NAA15: variants seen among roughly 807,000 people sequenced by gnomAD.
NAA15 encodes N-terminal acetyltransferase.
Under a neutral mutation model 114.0 loss-of-function variants are expected in NAA15, and 34 were observed. The observed-to-expected ratio is 0.30, with a 90% CI of 0.23 to 0.40. The LOEUF (loss-of-function observed/expected upper bound fraction) is 0.40, where lower values mean the gene tolerates loss of function less well. Ranked by LOEUF, NAA15 falls within the 10% of genes least tolerant of loss-of-function variation. NAA15 has a pLI of 1.00. For missense variants in NAA15, 658 were observed against 1,004.5 expected, an observed-to-expected ratio of 0.66 and a Z score of 4.66; for synonymous variants, 340 against 338.0, an observed-to-expected ratio of 1.01 and a Z score of -0.06.
At chr4:139,355,800 C>G (rs1747930687) in intron 10 of NAA15, among the ~76,000 whole-genome samples, 1 of 152,120 alleles carries the variant, frequency 6.6e-6, no homozygotes, top group African/African-American at 2.4e-5. Context: ...GAGATTCTTA[C>G]AGGTGGTGGC....
chr4:139,317,495 C>G (rs962162578), intron 1 of NAA15, among the ~76,000 whole-genome samples: 1 of 152,166 alleles, frequency 6.6e-6, no homozygotes, highest in Non-Finnish European at 1.5e-5. Context: ...GTGGCACATG[C>G]CTGCAATCCC....
chr4:139,336,676 T>G (rs1199771796), intron 2 of NAA15, among the ~76,000 whole-genome samples, 172 bp from the exon 3 acceptor site: 1 of 152,180 alleles, frequency 6.6e-6, no homozygotes, highest in Non-Finnish European at 1.5e-5. Context: ...ATTGCCAATT[T>G]TAAAAATGTT....
At chr4:139,354,345 C>T (rs934199725) in intron 10 of NAA15, among the ~76,000 whole-genome samples, 2 of 152,164 alleles carry the variant, frequency 1.3e-5, no homozygotes, top group Non-Finnish European at 2.9e-5. Flanking sequence ...GTTCCCCAGG[C>T]TGGAGTGCAG....
At chr4:139,320,368 G>C (rs567436858) in intron 1 of NAA15, among the ~76,000 whole-genome samples, 7 of 152,210 alleles carry the variant, frequency 4.6e-5, no homozygotes, top group Non-Finnish European at 7.4e-5. Flanking sequence ...TGTTAGTTCG[G>C]TTTTCAAAGT....
At chr4:139,381,806 T>G (rs1269032446) in intron 17 of NAA15, among the ~76,000 whole-genome samples, 3 of 152,166 alleles carry the variant, frequency 2.0e-5, no homozygotes, top group Non-Finnish European at 4.4e-5. Flanking sequence ...CTTGCTTAAT[T>G]TATTCATTCT....
chr4:139,327,137 A>AT (rs1418099575), intron 1 of NAA15, among the ~76,000 whole-genome samples: 3 of 152,102 alleles, frequency 2.0e-5, no homozygotes, highest in African/African-American at 7.2e-5. Flanking sequence ...AGGTCTCACT[A>AT]TGTTATGCAG....
chr4:139,341,511 C>A (rs980076619), intron 4 of NAA15, among the ~76,000 whole-genome samples: 18 of 140,936 alleles, frequency 1.3e-4, no homozygotes, highest in South Asian at 4.5e-4. Context: ...GGAGAATGGC[C>A]TGAACCCGGG....
At chr4:139,349,689 G>A (rs574830281) in intron 7 of NAA15, 108 bp downstream of exon 7, 14 of 1,199,504 alleles carry the variant, frequency 1.2e-5, no homozygotes, top group Admixed American at 2.9e-5. Context: ...GAATTGGTTC[G>A]AAATCTGAAT....
intron 1 of NAA15, among the ~76,000 whole-genome samples, chr4:139,306,603 T>TTTTTG (rs956336361): frequency 7.3e-4 from 108 of 148,556 alleles, no homozygotes; most frequent in South Asian, 4.3e-3. Flanking sequence ...TCTGGTTTTT[T>TTTTTG]TTTTGTTTTG....
At position 139,386,227 on chromosome 4, in the gene NAA15, C is replaced by T. The variant is rs1455709989; in HGVS notation, c.2397C>T (p.Leu799=). The change falls in exon 19 of 20, where the codon CTC becomes CTT. Residue 799 remains leucine (L), a synonymous_variant. Coordinates refer to ENST00000296543, the MANE Select transcript of NAA15 (RefSeq NM_057175.5). ...TLDESLTNRN[L]QTCMEVLEAL... Reference sequence around the variant, plus strand: ...ATGAATCTCTCACTAACAGAAACCTCCAGGTAAAGAGTTTTTCATAATCTC... The same window carrying T: ...ATGAATCTCTCACTAACAGAAACCTTCAGGTAAAGAGTTTTTCATAATCTC... 1 of 1,577,744 alleles carries T rather than the reference C, an allele frequency of 6.3e-7. No individual in the cohort carries two copies. Among genetic ancestry groups the T allele is most frequent in the Non-Finnish European group, 8.7e-7 (1 of 1,151,892 alleles).
chr4:139,385,270 C>CATATATATATATAATAT (rs1553999056), intron 18 of NAA15, among the ~76,000 whole-genome samples: 8 of 91,794 alleles, frequency 8.7e-5, no homozygotes, highest in South Asian at 3.4e-4. Flanking sequence ...CAAAACCAAA[C>CATATATATATATAATAT]ATATATATAT....
At chr4:139,355,809 G>A (rs1301883179) in intron 10 of NAA15, among the ~76,000 whole-genome samples, 7 of 152,086 alleles carry the variant, frequency 4.6e-5, no homozygotes, top group African/African-American at 1.7e-4. Flanking sequence ...ACAGGTGGTG[G>A]CATATTCTTC....
intron 16 of NAA15, among the ~76,000 whole-genome samples, chr4:139,377,799 A>C (rs984302119): frequency 6.6e-6 from 1 of 152,222 alleles, no homozygotes; most frequent in Non-Finnish European, 1.5e-5. Flanking sequence ...AAGTTTAATA[A>C]ATAGTCCAAT....
At chr4:139,302,741 T>C (rs1164251297) in intron 1 of NAA15, among the ~76,000 whole-genome samples, 2 of 152,262 alleles carry the variant, frequency 1.3e-5, no homozygotes, top group Non-Finnish European at 2.9e-5. Flanking sequence ...TTCCCTACGG[T>C]TCAAATGTGT....
At chr4:139,381,475 A>G (rs957837323) in intron 17 of NAA15, among the ~76,000 whole-genome samples, 5 of 152,002 alleles carry the variant, frequency 3.3e-5, no homozygotes, top group African/African-American at 4.8e-5. Context: ...ATCTGCAGAT[A>G]TGTTTTTTAT....
chr4:139,367,974 C>CA (rs1300780443), intron 14 of NAA15, among the ~76,000 whole-genome samples: 1 of 152,148 alleles, frequency 6.6e-6, no homozygotes, highest in African/African-American at 2.4e-5. Context: ...GCAGCCTCCT[C>CA]AAAGTCTAGA....
chr4:139,349,439 T>C, intron 6 of NAA15, 23 bp from the exon 7 acceptor site: 1 of 1,518,860 alleles, frequency 6.6e-7, no homozygotes, highest in Non-Finnish European at 8.8e-7. Context: ...ATTAAAATTT[T>C]TTTTTTTTCT....
chr4:139,309,426 A>AGTGTGTGTGTGT (rs70943412), intron 1 of NAA15, among the ~76,000 whole-genome samples: 1 of 143,670 alleles, frequency 7.0e-6, no homozygotes, highest in African/African-American at 2.6e-5. Flanking sequence ...TTGCTTTTTA[A>AGTGTGTGTGTGT]GTGTGTGTGT....
At chr4:139,351,381 C>CT in intron 8 of NAA15, 95 bp downstream of exon 8, 2 of 1,057,316 alleles carry the variant, frequency 1.9e-6, no homozygotes, top group Non-Finnish European at 2.9e-6. Context: ...TAAGTTTAAG[C>CT]TATACATTGT....
Sources: gnomAD v4.1 joint callset for allele counts (sites outside exome capture counted in the v4.1 genomes callset) on GRCh38, gnomAD v4.1.1 for gene constraint, MANE v1.5 for transcripts, NCBI Gene and HGNC (gene_info 2026-07-23, HGNC 2026-07-21) for gene names.